The following USH2A variants were observed in gnomAD, a reference collection of about 807,000 sequenced individuals.
USH2A encodes usherin.
USH2A carries 443 observed loss-of-function variants against 538.9 expected under a neutral mutation model. That is an observed-to-expected ratio of 0.82 (90% CI 0.76 to 0.89). USH2A has a LOEUF of 0.89. Among genes scored for constraint, USH2A ranks in the 40% least tolerant of loss-of-function variants. The probability of loss-of-function intolerance (pLI) is 0.00; values close to 1 mark genes in which losing one functional copy is unlikely to be tolerated. For synonymous variants in USH2A, 2,413 were observed against 2,273.5 expected (o/e 1.06, Z -1.75); for missense variants, 6,633 against 6,324.8 (o/e 1.05, Z -1.65).
At chr1:215,900,588 T>C (rs1171779508) in intron 39 of USH2A, 167 bp downstream of exon 39, 2 of 934,808 alleles carry the variant, frequency 2.1e-6, no homozygotes, top group East Asian at 2.6e-5. Context: ...AAATGAAAAA[T>C]AGATATTTTT....
chr1:215,955,768 C>G (rs1164751505), intron 37 of USH2A, among the ~76,000 whole-genome samples: 1 of 152,032 alleles, frequency 6.6e-6, no homozygotes, highest in Non-Finnish European at 1.5e-5. Context: ...GAATTTCACA[C>G]AAAAATTTGG....
intron 44 of USH2A, among the ~76,000 whole-genome samples, chr1:215,861,952 GC>G (rs753257059): frequency 1.3e-4 from 19 of 146,524 alleles, no homozygotes; most frequent in Non-Finnish European, 2.7e-4. Flanking sequence ...CGAGTCTCCT[GC>G]CTCAGTCTCC....
At chr1:215,664,080 T>G (rs930385322) in intron 64 of USH2A, among the ~76,000 whole-genome samples, 1 of 152,166 alleles carries the variant, frequency 6.6e-6, no homozygotes, top group African/African-American at 2.4e-5. Flanking sequence ...TTCAAGGGAT[T>G]CCTTCAATGC....
chr1:216,102,676 T>C (rs1316089866), intron 21 of USH2A, among the ~76,000 whole-genome samples: 1 of 151,962 alleles, frequency 6.6e-6, no homozygotes, highest in Non-Finnish European at 1.5e-5. Context: ...GGCGGGCGCC[T>C]GTAGTCCCAG....
At chr1:216,107,103 A>G (rs2032753288) in intron 21 of USH2A, among the ~76,000 whole-genome samples, 1 of 151,874 alleles carries the variant, frequency 6.6e-6, no homozygotes, top group Middle Eastern at 3.2e-3. Context: ...GAAAAACAAT[A>G]GCTATTTTCC....
At chr1:216,300,144 C>T (rs1024427612) in intron 9 of USH2A, among the ~76,000 whole-genome samples, 3 of 152,126 alleles carry the variant, frequency 2.0e-5, no homozygotes, top group Admixed American at 6.5e-5. Context: ...TTGGTAAGTG[C>T]ATTATAAGTA....
At chr1:216,361,724 A>G (rs1455579224) in intron 4 of USH2A, among the ~76,000 whole-genome samples, 1 of 152,242 alleles carries the variant, frequency 6.6e-6, no homozygotes, top group African/African-American at 2.4e-5. Flanking sequence ...CTAACAGTTG[A>G]TAAGGATGTG....
chr1:216,335,855 A>T (rs1248725954), intron 4 of USH2A, among the ~76,000 whole-genome samples: 1 of 151,656 alleles, frequency 6.6e-6, no homozygotes. Context: ...TTTAAAGAAG[A>T]AGTAGCACCA....
intron 32 of USH2A, among the ~76,000 whole-genome samples, chr1:216,028,821 TA>T (rs1231501643): frequency 4.6e-5 from 7 of 152,176 alleles, no homozygotes; most frequent in Admixed American, 2.6e-4. Context: ...AAATGTTACA[TA>T]AAAGAATGCT....
intron 37 of USH2A, among the ~76,000 whole-genome samples, chr1:215,963,678 C>T (rs796266866): frequency 6.6e-6 from 1 of 152,064 alleles, no homozygotes; most frequent in African/African-American, 2.4e-5. Context: ...TTTCCTCCAG[C>T]TCTACATAAA....
chr1:216,421,237 C>T (rs2039670684), intron 2 of USH2A, among the ~76,000 whole-genome samples: 1 of 152,158 alleles, frequency 6.6e-6, no homozygotes, highest in Non-Finnish European at 1.5e-5. Context: ...GAATCTCTCA[C>T]ACTTACCTAC....
At chr1:215,866,485 T>C (rs1664472894) in intron 44 of USH2A, among the ~76,000 whole-genome samples, 1 of 152,348 alleles carries the variant, frequency 6.6e-6, no homozygotes, top group Admixed American at 6.5e-5. Context: ...GCTGGAATTC[T>C]GCCCATAGCC....
At chr1:215,666,088 C>T (rs1657593596) in intron 64 of USH2A, among the ~76,000 whole-genome samples, 1 of 152,172 alleles carries the variant, frequency 6.6e-6, no homozygotes, top group African/African-American at 2.4e-5. Flanking sequence ...ATCTCACTGG[C>T]TTTATTAAAG....
At chr1:215,941,787 T>C (rs953756122) in intron 37 of USH2A, among the ~76,000 whole-genome samples, 9 of 152,270 alleles carry the variant, frequency 5.9e-5, no homozygotes, top group Admixed American at 5.2e-4. Flanking sequence ...CTGGAAGATA[T>C]ATACTTGAGA....
At chr1:216,331,886 C>T (rs956802024) in intron 4 of USH2A, among the ~76,000 whole-genome samples, 5 of 152,028 alleles carry the variant, frequency 3.3e-5, no homozygotes, top group Non-Finnish European at 5.9e-5. Context: ...GTCTGTCTTC[C>T]ATAAAAGCAA....
At chr1:215,948,538 C>T (rs999415466) in intron 37 of USH2A, among the ~76,000 whole-genome samples, 1 of 151,328 alleles carries the variant, frequency 6.6e-6, no homozygotes, top group African/African-American at 2.4e-5. Flanking sequence ...TTATGATGCT[C>T]ATTGTTTTAT....
At chr1:215,766,324 T>G (rs2102747785) in intron 56 of USH2A, among the ~76,000 whole-genome samples, 1 of 152,312 alleles carries the variant, frequency 6.6e-6, no homozygotes, top group South Asian at 2.1e-4. Context: ...CACTTCTACT[T>G]GATTGTCAGT....
intron 61 of USH2A, among the ~76,000 whole-genome samples, chr1:215,682,992 G>A (rs2820676): frequency 0.69 from 104,405 of 151,696 alleles, 36,394 homozygotes; most frequent in East Asian, 0.9. Context: ...TGGAGTAGCC[G>A]GGACTACAGT....
At chr1:215,734,811 G>C (rs1299435574) in intron 60 of USH2A, among the ~76,000 whole-genome samples, 1 of 152,120 alleles carries the variant, frequency 6.6e-6, no homozygotes, top group Non-Finnish European at 1.5e-5. Context: ...TCAATTATTT[G>C]CATCTCCAAC....
Sources: allele counts gnomAD v4.1 joint callset (sites outside exome capture counted in the v4.1 genomes callset), GRCh38; gene constraint gnomAD v4.1.1; transcripts MANE v1.5; gene names NCBI Gene and HGNC (gene_info 2026-07-23, HGNC 2026-07-21).